P2RX5: variants seen among roughly 807,000 people sequenced by gnomAD.
P2RX5 encodes P2X purinoceptor 5.
A neutral mutation model predicts 54.1 loss-of-function variants in P2RX5; 46 were observed. The observed-to-expected ratio is 0.85, with a 90% CI of 0.67 to 1.09. The LOEUF (loss-of-function observed/expected upper bound fraction) is 1.09, where lower values mean the gene tolerates loss of function less well. P2RX5 is among the 50% of genes least tolerant of loss of function. The pLI, the probability that P2RX5 is intolerant of heterozygous loss-of-function variation, is 0.00. For synonymous variants in P2RX5, 226 were observed against 226.4 expected (o/e 1.00, Z 0.02); for missense variants, 566 against 549.8 (o/e 1.03, Z -0.29).
chr17:3,691,964 T>C, intron 1 of P2RX5, 170 bp from the exon 2 acceptor site: 1 of 687,332 alleles, frequency 1.5e-6, no homozygotes, highest in Non-Finnish European at 2.6e-6. Context: ...CTCCCACTGC[T>C]GACTGAAACC....
chr17:3,693,525 C>T (rs1208032729), intron 1 of P2RX5, among the ~76,000 whole-genome samples: 2 of 152,128 alleles, frequency 1.3e-5, no homozygotes, highest in African/African-American at 4.8e-5. Flanking sequence ...CACCTGAGGT[C>T]AGGAGTTCGA....
chr17:3,702,774 C>T, the P2RX5 span, among the ~76,000 whole-genome samples: 5 of 152,196 alleles, frequency 3.3e-5, no homozygotes, highest in Non-Finnish European at 7.3e-5. Context: ...AAGAACCCAC[C>T]GGAAGGAACC....
At chr17:3,675,705 A>G (rs1312187203) in intron 11 of P2RX5, 1 of 585,652 alleles carries the variant, frequency 1.7e-6, no homozygotes, top group African/African-American at 2.0e-5. Context: ...GCATGTGGAC[A>G]CCATGCCCGG....
At chr17:3,692,104 A>T (rs1421847431) in intron 1 of P2RX5, 3 of 385,388 alleles carry the variant, frequency 7.8e-6, no homozygotes, top group Non-Finnish European at 1.5e-5. Flanking sequence ...GGAGATTGAG[A>T]CCATCCTGGC....
At chr17:3,676,125 C>A (rs1169639986) in intron 11 of P2RX5, 125 of 985,348 alleles carry the variant, frequency 1.3e-4, no homozygotes, top group Admixed American at 6.2e-5. Flanking sequence ...CGCTGGAGCA[C>A]TTTTCTGCCA....
the P2RX5 span, chr17:3,716,809 C>T: frequency 5.3e-5 from 75 of 1,420,726 alleles, no homozygotes; most frequent in South Asian, 8.8e-4. Context: ...CTAGACAAGA[C>T]AAAGAGATCG....
chr17:3,692,272 G>A lies in P2RX5; in HGVS notation c.138-478C>T, dbSNP rs748619175. 2.6e-5 allele frequency among the ~76,000 whole-genome samples: 4 copies of A among 151,966 alleles called. No individual in the cohort carries two copies. The East Asian group carries it at 7.7e-4, about 29-fold the overall frequency. ...GCAGAGCTTGCAGTAAGCAGAGATC[G>A]CACCACTGCACTCCAGCCTGGGCGA... On this transcript the variant is annotated intron_variant, in intron 1 of 11. Transcript: ENST00000225328.
intron 5 of P2RX5, 48 bp downstream of exon 5, chr17:3,690,379 G>T (rs757442094): frequency 3.5e-6 from 5 of 1,432,810 alleles, no homozygotes; most frequent in Admixed American, 3.7e-5. Flanking sequence ...GGGACCCACC[G>T]CACGGGGCTG....
In P2RX5 at chr17:3,690,479, C is replaced by T. The variant is rs1432386966; in HGVS notation, c.481G>A (p.Gly161Ser). Residue 161 changes from glycine to serine, a missense_variant, in exon 5 of 12, where the codon GGC (glycine) becomes AGC (serine). Physicochemically the swap from Gly to Ser is moderately conservative, Grantham distance 56 (BLOSUM62 0). Coordinates refer to ENST00000225328, the MANE Select transcript of P2RX5 (RefSeq NM_002561.4). ...CACCAGGCAAAGATCTCACAGGTGC[C>T]CCTGGCCAAGTTCTCTCTCCGCAGG... The part of the protein sequence containing the change: ...RCLRRENLAR[G>S]TCEIFAWCPL... The T allele has an allele frequency of 6.2e-7, 1 of 1,613,438 alleles. No individual in the cohort carries two copies. Among genetic ancestry groups the T allele is most frequent in the Non-Finnish European group, 8.5e-7 (1 of 1,179,916 alleles).
At chr17:3,676,727 C>T (rs1463894595) in intron 11 of P2RX5, 2 of 242,316 alleles carry the variant, frequency 8.3e-6, no homozygotes, top group African/African-American at 4.5e-5. Context: ...GAGCTGGGAC[C>T]TGCATTTCTA....
At chr17:3,700,458 G>A (rs988768189), upstream of P2RX5, among the ~76,000 whole-genome samples, 2 of 151,790 alleles carry the variant, frequency 1.3e-5, no homozygotes, top group African/African-American at 2.4e-5. Flanking sequence ...GCTTGAACTC[G>A]GGAGGCGGAG....
chr17:3,723,714 G>C, the P2RX5 span: 2 of 1,604,510 alleles, frequency 1.2e-6, no homozygotes, highest in African/African-American at 2.7e-5. Flanking sequence ...GCACAAGCGC[G>C]CTCCTGACTC....
intron 8 of P2RX5, 57 bp downstream of exon 8, chr17:3,688,569 A>T: frequency 6.3e-7 from 1 of 1,588,508 alleles, no homozygotes; most frequent in East Asian, 2.2e-5. Flanking sequence ...TGGCACCCAG[A>T]TGAGTGAGTG....
chr17:3,712,579 C>T, the P2RX5 span, among the ~76,000 whole-genome samples: 2 of 152,280 alleles, frequency 1.3e-5, no homozygotes, highest in Non-Finnish European at 2.9e-5. Flanking sequence ...CAGAAAGACT[C>T]CAAATTGCCA....
At chr17:3,681,454 C>T (rs1271394520) in intron 10 of P2RX5, among the ~76,000 whole-genome samples, 2 of 152,172 alleles carry the variant, frequency 1.3e-5, no homozygotes, top group African/African-American at 4.8e-5. Flanking sequence ...CAGGAAACTC[C>T]GGAAACAGCC....
At chr17:3,692,094 G>C (rs533053627) in intron 1 of P2RX5, 2 of 417,582 alleles carry the variant, frequency 4.8e-6, no homozygotes, top group East Asian at 1.0e-4. Flanking sequence ...CGCAAGGTCA[G>C]GAGATTGAGA....
Position 3,673,869 on chromosome 17 carries a change from C to G in P2RX5, c.1268G>C (p.Ter423SerextTer11). The change falls in exon 12 of 12, where the codon TGA (stop) becomes TCA (serine). Residue 423 changes from the stop codon to serine (S), a stop_lost. Coordinates refer to ENST00000225328, the MANE Select transcript of P2RX5 (RefSeq NM_002561.4). ...GGCCTGAACGTAAGCAGAGGCAATT[C>G]ACGTGCTCCTGGAATATCAGAACAG... ...PQLLEPHRST[*>S] 6.2e-7 allele frequency: 1 copy of G among 1,612,954 alleles called. No homozygotes were observed. The highest frequency in any genetic ancestry group is 1.1e-5 in the South Asian group (1 of 90,874).
chr17:3,693,741 A>T (rs2050680884), intron 1 of P2RX5, among the ~76,000 whole-genome samples: 1 of 152,064 alleles, frequency 6.6e-6, no homozygotes, highest in Non-Finnish European at 1.5e-5. Context: ...TCCATCTCAA[A>T]AATAATAATA....
At chr17:3,691,511 G>A in intron 2 of P2RX5, 133 bp downstream of exon 2, 1 of 1,113,338 alleles carries the variant, frequency 9.0e-7, no homozygotes. Context: ...CTCTCTGCAA[G>A]CCCTGGCAGC....
Sources: gnomAD v4.1 joint callset for allele counts (sites outside exome capture counted in the v4.1 genomes callset) on GRCh38, gnomAD v4.1.1 for gene constraint, MANE v1.5 for transcripts, NCBI Gene and HGNC (gene_info 2026-07-23, HGNC 2026-07-21) for gene names.